The following AFG3L2 variants were observed in gnomAD, a reference collection of about 807,000 sequenced individuals.
AFG3L2 encodes mitochondrial inner membrane m-AAA protease component AFG3L2.
In AFG3L2, 54 loss-of-function variants were observed where a neutral mutation model predicts 94.5. The ratio of observed to expected loss-of-function variants is 0.57; its 90% confidence interval spans 0.46 to 0.72. The LOEUF (loss-of-function observed/expected upper bound fraction) is 0.72, where lower values mean the gene tolerates loss of function less well. AFG3L2 is among the 30% of genes least tolerant of loss of function. AFG3L2 has a pLI of 0.00. For missense variants in AFG3L2, 754 were observed against 994.9 expected, an observed-to-expected ratio of 0.76 and a Z score of 3.26; for synonymous variants, 377 against 365.5, an observed-to-expected ratio of 1.03 and a Z score of -0.36.
intron 2 of AFG3L2, 44 bp from the exon 3 acceptor site, chr18:12,370,970 C>A (rs769607560): frequency 1.6e-6 from 2 of 1,244,822 alleles, no homozygotes; most frequent in East Asian, 2.5e-5. Context: ...AACTAAAATT[C>A]ATCAGGTTTG....
chr18:12,332,933 TATATAAC>T (rs1451229834), intron 16 of AFG3L2, among the ~76,000 whole-genome samples: 60 of 122,072 alleles, frequency 4.9e-4, no homozygotes, highest in African/African-American at 1.8e-3. Context: ...TAACATATAC[TATATAAC>T]ATATAATATA....
intron 10 of AFG3L2, 139 bp from the exon 11 acceptor site, chr18:12,351,552 T>G (rs967802556): frequency 3.2e-5 from 26 of 800,598 alleles, no homozygotes; most frequent in African/African-American, 8.7e-5. Flanking sequence ...GTTTTTTGTT[T>G]TTTTTTTTTT....
At chr18:12,344,538 G>A (rs1258646924) in intron 13 of AFG3L2, among the ~76,000 whole-genome samples, 3 of 151,934 alleles carry the variant, frequency 2.0e-5, no homozygotes, top group Admixed American at 6.6e-5. Flanking sequence ...GCCAGGCGTC[G>A]TGGTGAGCGC....
chr18:12,346,659 T>C (rs1198598373), intron 13 of AFG3L2, among the ~76,000 whole-genome samples: 1 of 152,054 alleles, frequency 6.6e-6, no homozygotes, highest in Non-Finnish European at 1.5e-5. Context: ...ATCCGAACAC[T>C]TTGGGAGGCC....
At chr18:12,340,445 G>A in intron 14 of AFG3L2, 44 bp from the exon 15 acceptor site, 2 of 1,444,684 alleles carry the variant, frequency 1.4e-6, no homozygotes, top group East Asian at 2.3e-5. Context: ...TACAGATGAA[G>A]ACTTGATCAA....
chr18:12,331,003 AAGCAGTCATGCACCGCTAAG>A (rs1274610956), intron 16 of AFG3L2, among the ~76,000 whole-genome samples: 11 of 152,230 alleles, frequency 7.2e-5, no homozygotes, highest in African/African-American at 2.7e-4. Context: ...GTAGCCAATC[AAGCAGTCATGCACCGCTAAG>A]AGCAGTCATG....
At chr18:12,347,148 AAAC>A (rs1010014585) in intron 13 of AFG3L2, among the ~76,000 whole-genome samples, 14 of 152,124 alleles carry the variant, frequency 9.2e-5, no homozygotes, top group African/African-American at 3.1e-4. Flanking sequence ...AAACAAAACA[AAAC>A]AACAACAACA....
At chr18:12,347,117 ACT>A (rs775271218) in intron 13 of AFG3L2, among the ~76,000 whole-genome samples, 1 of 152,104 alleles carries the variant, frequency 6.6e-6, no homozygotes, top group Non-Finnish European at 1.5e-5. Flanking sequence ...ACAGAATGAG[ACT>A]CTGTCTCAAA....
In AFG3L2 at chr18:12,371,162, A is replaced by G. The variant is rs532367291; in HGVS notation, c.215-236T>C. On this transcript the variant is annotated intron_variant, in intron 2 of 16. Transcript: ENST00000269143. ...ACTCCGACTCTACTAAAAGTACAAA[A>G]AATTGGCTGGGTGTGGTGGCAGGTG... Among the ~76,000 whole-genome samples, 27 of 152,226 alleles carry G rather than the reference A, an allele frequency of 1.8e-4. No homozygotes were observed. The South Asian group carries it at 5.4e-3, about 30-fold the overall frequency.
intron 9 of AFG3L2, among the ~76,000 whole-genome samples, 163 bp from the exon 10 acceptor site, chr18:12,353,321 C>G (rs1908381741): frequency 6.6e-6 from 1 of 152,040 alleles, no homozygotes; most frequent in African/African-American, 2.4e-5. Context: ...TCGAGACCAG[C>G]CTGACCAACA....
At chr18:12,351,682 G>T (rs1908323684) in intron 10 of AFG3L2, among the ~76,000 whole-genome samples, 1 of 151,960 alleles carries the variant, frequency 6.6e-6, no homozygotes, top group Non-Finnish European at 1.5e-5. Flanking sequence ...GAGTAGCTGG[G>T]ATTACAGGCA....
intron 16 of AFG3L2, among the ~76,000 whole-genome samples, chr18:12,334,088 G>A (rs1314936883): frequency 6.6e-6 from 1 of 152,200 alleles, no homozygotes; most frequent in Non-Finnish European, 1.5e-5. Context: ...AAGCCCTCAG[G>A]TACACACTCC....
chr18:12,361,540 T>C (rs556570775), intron 6 of AFG3L2, among the ~76,000 whole-genome samples: 3 of 152,198 alleles, frequency 2.0e-5, no homozygotes, highest in African/African-American at 7.2e-5. Flanking sequence ...CCCAGCTACT[T>C]GGGAGGCTGA....
intron 8 of AFG3L2, among the ~76,000 whole-genome samples, chr18:12,357,247 A>G (rs145392588): frequency 6.6e-6 from 1 of 152,340 alleles, no homozygotes; most frequent in East Asian, 1.9e-4. Context: ...TTTTGAGCTC[A>G]AATAATTAAT....
intron 14 of AFG3L2, chr18:12,341,440 C>T (rs959696353): frequency 1.6e-4 from 24 of 152,154 alleles, no homozygotes; most frequent in African/African-American, 5.6e-4. Flanking sequence ...TCTTTCCCTC[C>T]ACACCCAACC....
Position 12,369,925 on chromosome 18 carries a change from T to TGGTGGCGG in AFG3L2, c.292+923_292+924insCCGCCACC, listed in dbSNP as rs371820916. On this transcript the variant is annotated intron_variant, in intron 3 of 16. Transcript: ENST00000269143. ...CAAAAAAAAAAAAATTAGCCAGGCG[T>TGGTGGCGG]GCGCCTTTAGTCCCAGCTACTCAGG... 1.1e-3 allele frequency among the ~76,000 whole-genome samples: 170 copies of TGGTGGCGG among 149,894 alleles called. 1 individual carries two copies. The highest frequency in any genetic ancestry group is 4.0e-3 in the African/African-American group (164 of 40,850).
intron 1 of AFG3L2, 51 bp from the exon 2 acceptor site, chr18:12,371,742 T>A: frequency 6.9e-7 from 1 of 1,447,984 alleles, no homozygotes; most frequent in Non-Finnish European, 9.6e-7. Context: ...ATAAAAAACT[T>A]AAAAGAGCTT....
chr18:12,367,780 G>A (rs1023176893), intron 3 of AFG3L2, among the ~76,000 whole-genome samples: 1 of 152,158 alleles, frequency 6.6e-6, no homozygotes, highest in African/African-American at 2.4e-5. Flanking sequence ...GGCCACGCAC[G>A]GTGGCTCATG....
chr18:12,366,176 A>T (rs1908801736), intron 5 of AFG3L2, among the ~76,000 whole-genome samples: 1 of 152,272 alleles, frequency 6.6e-6, no homozygotes, highest in South Asian at 2.1e-4. Context: ...ACGCCCGGCC[A>T]CTGCATCAAT....
Sources: allele counts gnomAD v4.1 joint callset (sites outside exome capture counted in the v4.1 genomes callset), GRCh38; gene constraint gnomAD v4.1.1; transcripts MANE v1.5; gene names NCBI Gene and HGNC (gene_info 2026-07-23, HGNC 2026-07-21).